The following TMPRSS2 variants were observed in gnomAD, a reference collection of about 807,000 sequenced individuals.
TMPRSS2 encodes transmembrane protease serine 2.
TMPRSS2 carries 59 observed loss-of-function variants against 67.4 expected under a neutral mutation model. That is an observed-to-expected ratio of 0.88 (90% CI 0.71 to 1.09). The LOEUF (loss-of-function observed/expected upper bound fraction) is 1.09, where lower values mean the gene tolerates loss of function less well. Ranked by LOEUF, TMPRSS2 falls within the 50% of genes least tolerant of loss-of-function variation. TMPRSS2 has a pLI of 0.00. For synonymous variants in TMPRSS2, 257 were observed against 257.0 expected (o/e 1.00, Z 0.00); for missense variants, 668 against 642.7 (o/e 1.04, Z -0.43).
At position 41,464,332 on chromosome 21, in the gene TMPRSS2, T is replaced by C. The variant is rs575760704; in HGVS notation, c.*1810A>G. Among the ~76,000 whole-genome samples the C allele has an allele frequency of 6.6e-6, 1 of 152,318 alleles. No homozygotes were observed. Among genetic ancestry groups the C allele is most frequent in the South Asian group, 2.1e-4 (1 of 4,826 alleles). Reference sequence around the variant, plus strand: ...AATTGCAGTCTTGGGTATGTCTTTATTAGGAGCATGGAAACAGACTAATAG... The same window carrying C: ...AATTGCAGTCTTGGGTATGTCTTTACTAGGAGCATGGAAACAGACTAATAG... On this transcript the variant is annotated 3_prime_UTR_variant, in exon 14 of 14. Transcript: ENST00000332149.
chr21:41,489,397 GAACCTCACGGAGGGCCTCCA>G, intron 4 of TMPRSS2, 90 bp downstream of exon 4: 2 of 761,202 alleles, frequency 2.6e-6, no homozygotes, highest in Non-Finnish European at 4.3e-6. Context: ...TGTAAGAGAG[GAACCTCACGGAGGGCCTCCA>G]GAGGTCTCAA....
At position 41,479,118 on chromosome 21, in the gene TMPRSS2, G is replaced by A. The variant is rs998847432; in HGVS notation, c.683+54C>T. 12 of 1,310,136 alleles carry A rather than the reference G, an allele frequency of 9.2e-6. No homozygotes were observed. In the East Asian group the frequency reaches 1.8e-4, roughly 20 times the overall value. The allele number at this position is 1,310,136 out of a possible 1,614,324, so 81.2% of individuals were successfully genotyped here. A position where few individuals can be genotyped will look rare whatever the true frequency, so the allele number is the denominator to read the frequency against. On this transcript the variant is annotated intron_variant, in intron 7 of 13. Transcript: ENST00000332149. ...AGACTCAGGACAACGATTCCCCATG[G>A]TGTCTCCTAGTTGATTTCATTCCAA...
chr21:41,498,999 C>G (rs1316293300), intron 1 of TMPRSS2, among the ~76,000 whole-genome samples: 1 of 152,068 alleles, frequency 6.6e-6, no homozygotes, highest in African/African-American at 2.4e-5. Context: ...CCAGTAGCCA[C>G]CCACTGCCCA....
intron 12 of TMPRSS2, 73 bp from the exon 13 acceptor site, chr21:41,467,959 G>T: frequency 1.3e-6 from 2 of 1,573,256 alleles, no homozygotes; most frequent in South Asian, 1.1e-5. Flanking sequence ...ACCAGGCCTA[G>T]AGGAGTTGGG....
At chr21:41,483,365 C>A (rs999291650) in intron 5 of TMPRSS2, among the ~76,000 whole-genome samples, 1 of 152,004 alleles carries the variant, frequency 6.6e-6, no homozygotes, top group African/African-American at 2.4e-5. Context: ...CTCACCGCAA[C>A]CTCCACCTCC....
intron 2 of TMPRSS2, among the ~76,000 whole-genome samples, chr21:41,496,351 T>A (rs2146490192): frequency 6.6e-6 from 1 of 152,358 alleles, no homozygotes; most frequent in South Asian, 2.1e-4. Flanking sequence ...TCACTCACCA[T>A]CTGCTATTAA....
At chr21:41,502,697 T>C in intron 1 of TMPRSS2, 4 of 527,522 alleles carry the variant, frequency 7.6e-6, no homozygotes, top group Non-Finnish European at 9.7e-6. Context: ...GAAACTTGTT[T>C]ATGTATAATC....
At chr21:41,485,946 C>G (rs539528622) in intron 5 of TMPRSS2, among the ~76,000 whole-genome samples, 1 of 152,210 alleles carries the variant, frequency 6.6e-6, no homozygotes, top group Non-Finnish European at 1.5e-5. Flanking sequence ...CCAGGACTGA[C>G]AGCGAGGGCT....
chr21:41,503,510 T>G (rs1442929341), intron 1 of TMPRSS2, among the ~76,000 whole-genome samples: 1 of 152,230 alleles, frequency 6.6e-6, no homozygotes, highest in Non-Finnish European at 1.5e-5. Context: ...AAGGTTTATC[T>G]TCCAACACGT....
intron 2 of TMPRSS2, among the ~76,000 whole-genome samples, chr21:41,495,241 T>C (rs948123068): frequency 6.6e-6 from 1 of 152,226 alleles, no homozygotes; most frequent in African/African-American, 2.4e-5. Context: ...CTTACATGTC[T>C]ATTTATTAAA....
chr21:41,502,390 T>G (rs1249666370), intron 1 of TMPRSS2: 1 of 985,400 alleles, frequency 1.0e-6, no homozygotes. Flanking sequence ...TGCACCATTG[T>G]GCACACACCT....
intron 2 of TMPRSS2, among the ~76,000 whole-genome samples, chr21:41,496,723 T>A (rs1330235521): frequency 6.6e-6 from 1 of 152,008 alleles, no homozygotes; most frequent in Non-Finnish European, 1.5e-5. Flanking sequence ...CGGTTACCTG[T>A]TGGCTGGGCC....
rs1187647822 is a variant in TMPRSS2, at chr21:41,465,414, G to A, written c.*728C>T. On this transcript the variant is annotated 3_prime_UTR_variant, in exon 14 of 14. Transcript: ENST00000332149. ...TGCTAGGAGCAGGGTCAGGGAGGATGAGGAGGAAGGCTGAGTCTCCCTCCC... is the reference window on the plus strand; with the variant it reads ...TGCTAGGAGCAGGGTCAGGGAGGATAAGGAGGAAGGCTGAGTCTCCCTCCC... The A allele has an allele frequency of 8.6e-6, 2 of 233,562 alleles. No homozygotes were observed. The highest frequency in any genetic ancestry group is 1.7e-5 in the Non-Finnish European group (2 of 118,104). The allele number at this position is 233,562 out of a possible 1,614,324, so 14.5% of individuals were successfully genotyped here.
At chr21:41,480,431 C>A in intron 6 of TMPRSS2, 45 bp downstream of exon 6, 4 of 1,601,252 alleles carry the variant, frequency 2.5e-6, no homozygotes, top group Non-Finnish European at 3.4e-6. Flanking sequence ...TCTCGTGTTT[C>A]TGCTGTCTGT....
At position 41,476,562 on chromosome 21, in the gene TMPRSS2, T is replaced by G. The variant is rs772352108; in HGVS notation, c.727+15A>C. ...TAGTTAGAAGTATCAAAAGGGGGAC[T>G]CCAGATGAACTTACCTATACAGCGT... On this transcript the variant is annotated intron_variant, in intron 8 of 13. Coordinates refer to ENST00000332149, the MANE Select transcript of TMPRSS2 (RefSeq NM_005656.4). 2 of 1,612,404 alleles carry G rather than the reference T, an allele frequency of 1.2e-6. No individual in the cohort carries two copies. Among genetic ancestry groups the G allele is most frequent in the South Asian group, 2.2e-5 (2 of 91,052 alleles).
rs1260150157 is a variant in TMPRSS2, at chr21:41,478,736, G to A, written c.683+436C>T. On this transcript the variant is annotated intron_variant, in intron 7 of 13. Transcript: ENST00000332149. This position sits in a 1 kb window ranked among gnomAD's most constrained non-coding sequence, Gnocchi z 4.0. Reference sequence around the variant, plus strand: ...AGCCAGCCCAGCTGCCTGGAATGGAGCAGGACTTCCCTTGCTCAAGCCAGT... The same window carrying A: ...AGCCAGCCCAGCTGCCTGGAATGGAACAGGACTTCCCTTGCTCAAGCCAGT... Among the ~76,000 whole-genome samples the A allele has an allele frequency of 6.6e-6, 1 of 152,172 alleles. No homozygotes were observed. Among genetic ancestry groups the A allele is most frequent in the Non-Finnish European group, 1.5e-5 (1 of 68,018 alleles).
chr21:41,505,531 A>T (rs1387453722), intron 1 of TMPRSS2, among the ~76,000 whole-genome samples: 4 of 152,162 alleles, frequency 2.6e-5, no homozygotes, highest in Non-Finnish European at 4.4e-5. Flanking sequence ...CAATGCCCCC[A>T]TGGCCTAGGA....
chr21:41,502,395 A>G, intron 1 of TMPRSS2: 6 of 985,380 alleles, frequency 6.1e-6, no homozygotes, highest in Non-Finnish European at 7.2e-6. Context: ...CATTGTGCAC[A>G]CACCTTCTCC....
At chr21:41,492,049 G>A (rs2091341429) in intron 3 of TMPRSS2, among the ~76,000 whole-genome samples, 1 of 152,294 alleles carries the variant, frequency 6.6e-6, no homozygotes, top group Non-Finnish European at 1.5e-5. Flanking sequence ...ACAAAAATTA[G>A]CCAGAAGCAG....
Sources: allele counts gnomAD v4.1 joint callset (sites outside exome capture counted in the v4.1 genomes callset), GRCh38; gene constraint gnomAD v4.1.1; non-coding constraint Gnocchi (gnomAD v3.1); transcripts MANE v1.5; gene names NCBI Gene and HGNC (gene_info 2026-07-23, HGNC 2026-07-21).